GALK2: variants seen among roughly 807,000 people sequenced by gnomAD.
GALK2 encodes the protein N-acetylgalactosamine kinase.
A neutral mutation model predicts 52.4 loss-of-function variants in GALK2; 36 were observed. That is an observed-to-expected ratio of 0.69 (90% CI 0.53 to 0.91). The LOEUF is 0.91. Ranked by LOEUF, GALK2 falls within the 40% of genes least tolerant of loss-of-function variation. GALK2 has a pLI of 0.00. For missense variants in GALK2, 579 were observed against 559.1 expected, an observed-to-expected ratio of 1.04 and a Z score of -0.36; for synonymous variants, 176 against 199.1, an observed-to-expected ratio of 0.88 and a Z score of 0.98.
chr15:49,335,318 C>A, downstream of GALK2: 1 of 719,882 alleles, frequency 1.4e-6, no homozygotes. Flanking sequence ...AGACATGACT[C>A]TCCTCATCAT....
chr15:49,220,419 AT>A (rs909041715), intron 3 of GALK2, among the ~76,000 whole-genome samples: 33 of 151,508 alleles, frequency 2.2e-4, no homozygotes, highest in African/African-American at 5.3e-4. Context: ...ACATGATTTT[AT>A]TTTTTTTATG....
At chr15:49,299,380 T>C (rs912127748) in intron 8 of GALK2, among the ~76,000 whole-genome samples, 4 of 152,180 alleles carry the variant, frequency 2.6e-5, no homozygotes, top group Non-Finnish European at 5.9e-5. Flanking sequence ...TATGTCTCAA[T>C]TTCATTTGGT....
intron 3 of GALK2, among the ~76,000 whole-genome samples, chr15:49,339,467 A>C (rs1228816130): frequency 6.6e-6 from 1 of 152,138 alleles, no homozygotes; most frequent in Non-Finnish European, 1.5e-5. Flanking sequence ...CACAACAGTA[A>C]AGATTGCTGC....
intron 3 of GALK2, among the ~76,000 whole-genome samples, chr15:49,338,080 ATT>A (rs2040068851): frequency 6.6e-6 from 1 of 152,108 alleles, no homozygotes; most frequent in Admixed American, 6.5e-5. Flanking sequence ...GAATTGCCAC[ATT>A]GTCTTCCATT....
intron 3 of GALK2, among the ~76,000 whole-genome samples, chr15:49,228,690 T>TA (rs1566958085): frequency 1.1e-4 from 5 of 45,654 alleles, no homozygotes; most frequent in African/African-American, 4.6e-4. Context: ...TATATATATT[T>TA]TTTTTTTTTT....
chr15:49,177,715 G>A, intron 1 of GALK2: 2 of 725,794 alleles, frequency 2.8e-6, no homozygotes, highest in East Asian at 4.8e-5. Flanking sequence ...CTTTCGGCCT[G>A]CAGATGTCAG....
At chr15:49,335,561 TCA>T, downstream of GALK2, 1 of 1,209,262 alleles carries the variant, frequency 8.3e-7, no homozygotes, top group South Asian at 1.3e-5. Flanking sequence ...ACAGTACCCT[TCA>T]CAGAGGAACC....
intron 3 of GALK2, among the ~76,000 whole-genome samples, chr15:49,357,979 A>G (rs1192060146): frequency 1.3e-5 from 2 of 152,088 alleles, no homozygotes; most frequent in African/African-American, 4.8e-5. Flanking sequence ...AGAGCCAAAG[A>G]CAAAAACCAC....
intron 1 of GALK2, among the ~76,000 whole-genome samples, chr15:49,197,711 A>T (rs1239604113): frequency 1.3e-5 from 2 of 152,156 alleles, no homozygotes; most frequent in African/African-American, 4.8e-5. Context: ...TGAAATTTTG[A>T]ATTAGGAATG....
rs1189634127 is a variant in GALK2, at chr15:49,283,684, A to G, written c.722A>G (p.Asn241Ser). Residue 241 changes from asparagine (N) to serine (S), a missense_variant, in exon 7 of 10, where the codon AAT becomes AGT. Coordinates refer to ENST00000560031, the MANE Select transcript of GALK2 (RefSeq NM_002044.4). ...EMNKAATSHF[N>S]IRVMECRLAA... ...AATAAGGCAGCAACTTCCCATTTCA[A>G]TATCAGGGTGATGGAGTGTCGGCTG... 1 of 1,614,090 alleles carries G rather than the reference A, an allele frequency of 6.2e-7. No homozygotes were observed. Among genetic ancestry groups the G allele is most frequent in the South Asian group, 1.1e-5 (1 of 91,068 alleles).
At chr15:49,308,300 G>C (rs1043371565) in intron 8 of GALK2, among the ~76,000 whole-genome samples, 1 of 152,186 alleles carries the variant, frequency 6.6e-6, no homozygotes, top group African/African-American at 2.4e-5. Context: ...ATTTGTTAGA[G>C]AAATTGACCA....
chr15:49,335,320 C>T, downstream of GALK2: 1 of 731,328 alleles, frequency 1.4e-6, no homozygotes. Context: ...ACATGACTCT[C>T]CTCATCATTA....
intron 5 of GALK2, among the ~76,000 whole-genome samples, chr15:49,259,889 G>A (rs563971069): frequency 7.9e-5 from 12 of 151,706 alleles, no homozygotes; most frequent in African/African-American, 1.2e-4. Context: ...TTTCATCCAC[G>A]TCCCTACAAA....
At chr15:49,190,881 A>G (rs551919449) in intron 1 of GALK2, among the ~76,000 whole-genome samples, 2 of 152,172 alleles carry the variant, frequency 1.3e-5, no homozygotes, top group African/African-American at 2.4e-5. Context: ...TGTTCTGACC[A>G]TGAGGCATCC....
intron 5 of GALK2, among the ~76,000 whole-genome samples, chr15:49,272,740 C>T (rs78540105): frequency 1.7e-3 from 259 of 152,210 alleles, no homozygotes; most frequent in African/African-American, 6.0e-3. Context: ...CAGTACAGGC[C>T]GTGATGGTTG....
intron 5 of GALK2, among the ~76,000 whole-genome samples, chr15:49,267,886 A>G (rs900832437): frequency 1.3e-5 from 2 of 152,178 alleles, no homozygotes; most frequent in African/African-American, 4.8e-5. Context: ...AAGAAGAATG[A>G]GATAGGTTTT....
intron 8 of GALK2, among the ~76,000 whole-genome samples, chr15:49,296,693 T>C (rs1267669119): frequency 9.2e-5 from 14 of 151,952 alleles, no homozygotes; most frequent in Admixed American, 7.9e-4. Context: ...TCTGCCTCCC[T>C]GGTTCAAGAG....
intron 1 of GALK2, among the ~76,000 whole-genome samples, chr15:49,200,284 G>C (rs1023973628): frequency 1.3e-5 from 2 of 152,156 alleles, no homozygotes; most frequent in Admixed American, 1.3e-4. Context: ...CTTTGACATT[G>C]AATTAGAGGT....
chr15:49,359,377 C>A (rs2043768445), intron 3 of GALK2, among the ~76,000 whole-genome samples: 1 of 118,592 alleles, frequency 8.4e-6, no homozygotes, highest in African/African-American at 3.2e-5. Flanking sequence ...ACAATAAACT[C>A]AAACAAATTT....
Sources: gnomAD v4.1 joint callset for allele counts (sites outside exome capture counted in the v4.1 genomes callset) on GRCh38, gnomAD v4.1.1 for gene constraint, MANE v1.5 for transcripts, NCBI Gene and HGNC (gene_info 2026-07-23, HGNC 2026-07-21) for gene names.